SAMHD1: variants seen among roughly 807,000 people sequenced by gnomAD.
SAMHD1 encodes deoxynucleoside triphosphate triphosphohydrolase SAMHD1.
Under a neutral mutation model 79.6 loss-of-function variants are expected in SAMHD1, and 54 were observed. The ratio of observed to expected loss-of-function variants is 0.68; its 90% CI spans 0.55 to 0.85. The LOEUF (loss-of-function observed/expected upper bound fraction) is 0.85. Among genes scored for constraint, SAMHD1 ranks in the 40% least tolerant of loss-of-function variants. The pLI is 0.00. For synonymous variants in SAMHD1, 260 were observed against 264.1 expected (o/e 0.98, Z 0.15); for missense variants, 663 against 782.7 (o/e 0.85, Z 1.82).
chr20:36,912,999 CTTTTTTT>C lies in SAMHD1; in HGVS notation c.1063-454_1063-448del, dbSNP rs747354843. Among the ~76,000 whole-genome samples, 3 of 106,332 alleles carry C rather than the reference CTTTTTTT, an allele frequency of 2.8e-5. No homozygotes were observed. In the East Asian group the frequency reaches 7.9e-4, roughly 28 times the overall value. The allele number at this position is 106,332 out of a possible 152,430, so 69.8% of individuals were successfully genotyped here. On this transcript the variant is annotated intron_variant, in intron 9 of 15. Coordinates refer to ENST00000646673, the MANE Select transcript of SAMHD1 (RefSeq NM_015474.4). Reference sequence around the variant, plus strand: ...TTCATTCTTTTTCTTTTCTTTCTTCCTTTTTTTTTTTTTTTGAGATGGAGTCTCGCTC... The same window carrying C: ...TTCATTCTTTTTCTTTTCTTTCTTCCTTTTTTTTGAGATGGAGTCTCGCTC...
chr20:36,928,976 G>A (rs1206208156), intron 5 of SAMHD1, among the ~76,000 whole-genome samples: 1 of 151,380 alleles, frequency 6.6e-6, no homozygotes, highest in Non-Finnish European at 1.5e-5. Flanking sequence ...AGAATGGCTT[G>A]AACCTGGGAG....
rs1269220407 is a variant in SAMHD1, at chr20:36,905,356, T to C, written c.1410+8A>G. The C allele has an allele frequency of 1.2e-6, 2 of 1,614,066 alleles. No individual in the cohort carries two copies. The highest frequency in any genetic ancestry group is 1.7e-6 in the Non-Finnish European group (2 of 1,179,974). On this transcript the variant is annotated splice_region_variant and intron_variant, in intron 12 of 15. Transcript: ENST00000646673. ...CTTTCACTAATGGAAAGATGCCTGA[T>C]AACTCACCCTTTTAATCTTTATTTG...
At chr20:36,937,872 T>G (rs1475027987) in intron 3 of SAMHD1, among the ~76,000 whole-genome samples, 4 of 151,622 alleles carry the variant, frequency 2.6e-5, no homozygotes, top group Non-Finnish European at 5.9e-5. Context: ...TTTTTTTTTT[T>G]TTTGAGACAG....
intron 13 of SAMHD1, among the ~76,000 whole-genome samples, chr20:36,900,755 G>A (rs570620917): frequency 1.2e-3 from 184 of 148,634 alleles, no homozygotes; most frequent in South Asian, 2.8e-3. Flanking sequence ...TTTAATTTTA[G>A]TAGAGACAGG....
intron 13 of SAMHD1, 123 bp downstream of exon 13, chr20:36,904,034 G>A (rs2063391431): frequency 4.7e-6 from 1 of 212,266 alleles, no homozygotes; most frequent in Admixed American, 5.4e-5. Flanking sequence ...TTCTCTTTGT[G>A]AGGGCACATC....
At chr20:36,933,048 A>G (rs75514355) in intron 4 of SAMHD1, among the ~76,000 whole-genome samples, 93 of 152,284 alleles carry the variant, frequency 6.1e-4, no homozygotes, top group African/African-American at 2.2e-3. Flanking sequence ...ACTCTGAGCT[A>G]CATGAGGACA....
chr20:36,935,507 T>G, intron 3 of SAMHD1: 1 of 363,212 alleles, frequency 2.8e-6, no homozygotes, highest in Non-Finnish European at 5.2e-6. Flanking sequence ...ACATGCATAT[T>G]CATTTCGATT....
At chr20:36,917,741 T>C (rs979814251) in intron 7 of SAMHD1, among the ~76,000 whole-genome samples, 2 of 152,192 alleles carry the variant, frequency 1.3e-5, no homozygotes, top group African/African-American at 4.8e-5. Flanking sequence ...TCAAAGTAGC[T>C]ACATACCTAG....
At chr20:36,904,610 G>A (rs1282806378) in intron 12 of SAMHD1, 4 of 314,106 alleles carry the variant, frequency 1.3e-5, no homozygotes, top group African/African-American at 6.6e-5. Context: ...CCAACTACTC[G>A]GGAGGCTTAG....
At chr20:36,918,801 C>CAAAAAAAAAAAAAAAAA (rs60403097) in intron 7 of SAMHD1, among the ~76,000 whole-genome samples, 7 of 65,420 alleles carry the variant, frequency 1.1e-4, no homozygotes, top group Non-Finnish European at 1.9e-4. Flanking sequence ...GACTCTATCT[C>CAAAAAAAAAAAAAAAAA]AAAAAAAAAA....
intron 14 of SAMHD1, 62 bp from the exon 15 acceptor site, chr20:36,898,021 T>C: frequency 6.3e-7 from 1 of 1,591,376 alleles, no homozygotes; most frequent in East Asian, 2.2e-5. Context: ...TATCAGCTGG[T>C]CCCTAGGCTC....
chr20:36,898,456 C>T lies in SAMHD1; in HGVS notation c.1592G>A (p.Arg531Lys), dbSNP rs771813288. Residue 531 changes from arginine to lysine, a missense_variant, in exon 14 of 16, where the codon AGG (arginine) becomes AAG (lysine). Coordinates refer to ENST00000646673, the MANE Select transcript of SAMHD1 (RefSeq NM_015474.4). ...YCKTAPNRAI[R>K]ITKNQVSQLL... ...AGTAGTTACCTGGTTTTTAGTAATCCTGATTGCTCTGTTGGGGGCAGTCTT... is the reference window on the plus strand; with the variant it reads ...AGTAGTTACCTGGTTTTTAGTAATCTTGATTGCTCTGTTGGGGGCAGTCTT... The T allele has an allele frequency of 6.2e-7, 1 of 1,613,290 alleles. No homozygotes were observed. Among genetic ancestry groups the T allele is most frequent in the East Asian group, 2.2e-5 (1 of 44,878 alleles).
chr20:36,947,691 CA>C (rs2063703516), intron 1 of SAMHD1, among the ~76,000 whole-genome samples: 1 of 151,892 alleles, frequency 6.6e-6, no homozygotes, highest in African/African-American at 2.4e-5. Flanking sequence ...TTCTTTGAGA[CA>C]GGGTTTTGCT....
chr20:36,929,018 T>G (rs2063552578), intron 5 of SAMHD1, among the ~76,000 whole-genome samples: 1 of 146,576 alleles, frequency 6.8e-6, no homozygotes, highest in Non-Finnish European at 1.5e-5. Context: ...GATCGTACCA[T>G]TGCACTCCAG....
intron 15 of SAMHD1, 86 bp from the exon 16 acceptor site, chr20:36,893,152 A>T (rs1485640028): frequency 1.3e-6 from 2 of 1,516,106 alleles, no homozygotes; most frequent in Non-Finnish European, 1.8e-6. Flanking sequence ...AAGTGCGCAC[A>T]TCCTCATCTT....
chr20:36,906,564 T>C (rs1032198876), intron 11 of SAMHD1, among the ~76,000 whole-genome samples: 5 of 152,250 alleles, frequency 3.3e-5, no homozygotes, highest in African/African-American at 1.2e-4. Flanking sequence ...CATGTGTTGA[T>C]AACTGTTGAA....
Position 36,905,381 on chromosome 20 carries a change from G to A in SAMHD1, c.1393C>T (p.Gln465Ter). Residue 465 changes from glutamine to a stop codon, truncating the protein, a stop_gained, in exon 12 of 16, where the codon CAA becomes TAA. Transcript: ENST00000646673. LOFTEE classifies it high-confidence loss of function. ...TAACTCACCCTTTTAATCTTTATTT[G>A]TCCTGTTGGCTGCGTCTCACCCACA... ...KYVGETQPTG[Q>*]IKIKREDYES... The A allele has an allele frequency of 6.2e-7, 1 of 1,613,984 alleles. No homozygotes were observed. Among genetic ancestry groups the A allele is most frequent in the Admixed American group, 1.7e-5 (1 of 59,988 alleles).
At chr20:36,932,347 G>A (rs1205056321) in intron 4 of SAMHD1, among the ~76,000 whole-genome samples, 2 of 88,268 alleles carry the variant, frequency 2.3e-5, no homozygotes, top group East Asian at 3.6e-4. Flanking sequence ...GCGAAACTCC[G>A]TCTCCAAAAA....
intron 2 of SAMHD1, among the ~76,000 whole-genome samples, chr20:36,943,801 C>T (rs1158071280): frequency 2.0e-5 from 3 of 152,044 alleles, no homozygotes; most frequent in African/African-American, 7.2e-5. Context: ...AGAGTCATGC[C>T]GGGGACAGTG....
Sources: allele counts gnomAD v4.1 joint callset (sites outside exome capture counted in the v4.1 genomes callset), GRCh38; gene constraint gnomAD v4.1.1; transcripts MANE v1.5; gene names NCBI Gene and HGNC (gene_info 2026-07-23, HGNC 2026-07-21).